FBN1: variants seen among roughly 807,000 people sequenced by gnomAD.
FBN1 encodes fibrillin-1.
A neutral mutation model predicts 365.1 loss-of-function variants in FBN1; 29 were observed. The ratio of observed to expected loss-of-function variants is 0.08; its 90% CI spans 0.06 to 0.11. The LOEUF is 0.11. Among genes scored for constraint, FBN1 ranks in the 10% least tolerant of loss-of-function variants. FBN1 has a pLI of 1.00. For synonymous variants in FBN1, 1,210 were observed against 1,270.5 expected, an observed-to-expected ratio of 0.95 and a Z score of 1.01; for missense variants, 2,476 against 3,703.2, an observed-to-expected ratio of 0.67 and a Z score of 8.60.
intron 2 of FBN1, among the ~76,000 whole-genome samples, chr15:48,615,953 G>A (rs1002183866): frequency 1.3e-5 from 2 of 152,148 alleles, no homozygotes; most frequent in Non-Finnish European, 2.9e-5. Flanking sequence ...CAGAGAGAGA[G>A]TTCTCTTGCT....
chr15:48,428,034 G>C, intron 57 of FBN1: 1 of 673,296 alleles, frequency 1.5e-6, no homozygotes. Context: ...GAAATACAGG[G>C]GAATAGCCAT....
At chr15:48,542,199 T>G (rs907026285) in intron 6 of FBN1, among the ~76,000 whole-genome samples, 3 of 152,218 alleles carry the variant, frequency 2.0e-5, no homozygotes, top group Non-Finnish European at 4.4e-5. Context: ...TAATCAGACT[T>G]CACCCCGAAG....
intron 6 of FBN1, among the ~76,000 whole-genome samples, chr15:48,583,243 TC>T (rs1270201827): frequency 6.6e-6 from 1 of 152,260 alleles, no homozygotes. Flanking sequence ...TAGAACAATT[TC>T]TTTTCAGCAT....
At chr15:48,554,794 C>T (rs180958338) in intron 6 of FBN1, among the ~76,000 whole-genome samples, 2 of 152,238 alleles carry the variant, frequency 1.3e-5, no homozygotes, top group Admixed American at 1.3e-4. Context: ...GTCTTATATA[C>T]CTATGTGACC....
intron 7 of FBN1, among the ~76,000 whole-genome samples, chr15:48,535,166 C>G (rs767945901): frequency 6.6e-6 from 1 of 152,184 alleles, no homozygotes; most frequent in African/African-American, 2.4e-5. Context: ...TAGCCACGAG[C>G]CCTTCCCTTG....
chr15:48,542,615 A>G (rs1468372041), intron 6 of FBN1, among the ~76,000 whole-genome samples: 1 of 152,194 alleles, frequency 6.6e-6, no homozygotes, highest in East Asian at 1.9e-4. Context: ...TTAGGACATA[A>G]TAGAATCACT....
intron 6 of FBN1, among the ~76,000 whole-genome samples, chr15:48,558,947 A>G (rs947754022): frequency 6.6e-6 from 1 of 152,208 alleles, no homozygotes; most frequent in African/African-American, 2.4e-5. Context: ...TCCCACAAAG[A>G]AAGCTGTTTC....
intron 10 of FBN1, among the ~76,000 whole-genome samples, chr15:48,519,695 A>G (rs931108476): frequency 6.6e-6 from 1 of 151,662 alleles, no homozygotes; most frequent in African/African-American, 2.4e-5. Context: ...GAAGTTTTAG[A>G]AAAAAAAGCC....
At chr15:48,575,665 C>T (rs1201463844) in intron 6 of FBN1, among the ~76,000 whole-genome samples, 1 of 152,080 alleles carries the variant, frequency 6.6e-6, no homozygotes, top group African/African-American at 2.4e-5. Flanking sequence ...CCAACAATAT[C>T]TACCCAAAGG....
At chr15:48,504,290 A>C (rs1203722289) in intron 16 of FBN1, among the ~76,000 whole-genome samples, 1 of 152,224 alleles carries the variant, frequency 6.6e-6, no homozygotes, top group African/African-American at 2.4e-5. Flanking sequence ...ATGATGGATG[A>C]ATGTTGAATC....
rs114073450 is a variant in FBN1, at chr15:48,533,158, T to C, written c.862+922A>G. 7.4e-3 allele frequency among the ~76,000 whole-genome samples: 1,121 copies of C among 152,306 alleles called. 20 individuals carry two copies. Among genetic ancestry groups the C allele is most frequent in the African/African-American group, 0.026 (1,071 of 41,568 alleles). Reference sequence around the variant, plus strand: ...TTAGAATGTACTCACTGTTAGAGTCTAGGGGCATAAATATAACAGCATCTG... The same window carrying C: ...TTAGAATGTACTCACTGTTAGAGTCCAGGGGCATAAATATAACAGCATCTG... On this transcript the variant is annotated intron_variant, in intron 8 of 65. Coordinates refer to ENST00000316623, the MANE Select transcript of FBN1 (RefSeq NM_000138.5).
chr15:48,446,655 A>T, intron 47 of FBN1, 51 bp downstream of exon 47: 2 of 1,035,634 alleles, frequency 1.9e-6, no homozygotes, highest in Non-Finnish European at 3.1e-6. Flanking sequence ...AATTACAAAG[A>T]ACACATATAA....
chr15:48,434,365 G>T (rs2043047574), intron 54 of FBN1, among the ~76,000 whole-genome samples: 1 of 152,150 alleles, frequency 6.6e-6, no homozygotes, highest in Admixed American at 6.6e-5. Flanking sequence ...AGAACTCTCT[G>T]TGATATACAG....
intron 7 of FBN1, 139 bp downstream of exon 7, chr15:48,537,472 A>AGTTGGAT (rs2044022314): frequency 1.0e-6 from 1 of 973,936 alleles, no homozygotes; most frequent in Non-Finnish European, 1.6e-6. Context: ...CTAATGCCTT[A>AGTTGGAT]GTTGGATATC....
At chr15:48,601,034 G>A (rs946456544) in intron 4 of FBN1, among the ~76,000 whole-genome samples, 4 of 152,166 alleles carry the variant, frequency 2.6e-5, no homozygotes, top group Non-Finnish European at 5.9e-5. Context: ...ACTGCCTGAC[G>A]ACAGGGACAG....
Position 48,412,646 on chromosome 15 carries a change from C to T in FBN1, c.8149G>A (p.Glu2717Lys), listed in dbSNP as rs187553035. The T allele has an allele frequency of 1.2e-4, 197 of 1,614,258 alleles. No homozygotes were observed. The highest frequency in any genetic ancestry group is 3.3e-4 in the Admixed American group (20 of 60,024). The change falls in exon 65 of 66, where the codon GAG (glutamate) becomes AAG (lysine). Residue 2717 changes from glutamate (E) to lysine (K), a missense_variant. Glu to Lys is a moderately conservative substitution (Grantham distance 56). This residue lies in a region of FBN1 where 177 missense variants were observed against 192.7 expected (regional missense o/e 0.92). Transcript: ENST00000316623. ...TTGGGGTAGCCATTGATCTTACACT[C>T]GTAACAAGCCTCTGGGGAGAGTGAA... ...DNSLSPEACY[E>K]CKINGYPKRG...
intron 13 of FBN1, among the ~76,000 whole-genome samples, chr15:48,511,017 G>A (rs11854914): frequency 0.15 from 22,362 of 152,100 alleles, 1,796 homozygotes; most frequent in East Asian, 0.36. Flanking sequence ...TCACTTCCAG[G>A]GCTTATTCCC....
chr15:48,633,498 G>A lies in FBN1; in HGVS notation c.164+11108C>T, dbSNP rs1379275236. Among the ~76,000 whole-genome samples the A allele has an allele frequency of 3.9e-5, 6 of 152,006 alleles. 1 individual carries two copies. The highest frequency in any genetic ancestry group is 7.3e-5 in the African/African-American group (3 of 41,372). On this transcript the variant is annotated intron_variant, in intron 2 of 65. Coordinates refer to ENST00000316623, the MANE Select transcript of FBN1 (RefSeq NM_000138.5). ...GGGAGGAGTCATGCTTCCGATTCCC[G>A]GAGAAGACTATTTCTCTTTTTCCAA...
At chr15:48,495,956 C>T (rs1597569473) in intron 20 of FBN1, 144 bp downstream of exon 20, 2 of 993,274 alleles carry the variant, frequency 2.0e-6, no homozygotes, top group East Asian at 5.0e-5. Flanking sequence ...AAAGTACATA[C>T]TAGTGCCATG....
Sources: gnomAD v4.1 joint callset for allele counts (sites outside exome capture counted in the v4.1 genomes callset) on GRCh38, gnomAD v4.1.1 for gene constraint, gnomAD v4.1.1 regional missense constraint, MANE v1.5 for transcripts, NCBI Gene and HGNC (gene_info 2026-07-23, HGNC 2026-07-21) for gene names.